The following NOSTRIN variants were observed in gnomAD, a reference collection of about 807,000 sequenced individuals.
The protein encoded by NOSTRIN is nitric oxide synthase trafficking, also known as BM247 homolog.
Under a neutral mutation model 59.0 loss-of-function variants are expected in NOSTRIN, and 63 were observed. The observed-to-expected ratio is 1.07, with a 90% CI of 0.87 to 1.32. The LOEUF is 1.32. Ranked by LOEUF, NOSTRIN falls within the 40% of genes most tolerant of loss-of-function variation. The pLI is 0.00. For synonymous variants in NOSTRIN, 200 were observed against 165.4 expected, an observed-to-expected ratio of 1.21 and a Z score of -1.61; for missense variants, 512 against 473.1, an observed-to-expected ratio of 1.08 and a Z score of -0.76.
chr2:168,816,961 A>G (rs921703736), intron 2 of NOSTRIN, among the ~76,000 whole-genome samples: 2 of 152,218 alleles, frequency 1.3e-5, no homozygotes, highest in African/African-American at 4.8e-5. Context: ...AAAAACATTT[A>G]CTGGCATAAT....
At chr2:168,796,935 G>A (rs1176709073), upstream of NOSTRIN, among the ~76,000 whole-genome samples, 1 of 152,076 alleles carries the variant, frequency 6.6e-6, no homozygotes, top group Non-Finnish European at 1.5e-5. Context: ...CACTCTCTCA[G>A]TATTTAATTC....
At chr2:168,837,185 G>A (rs141765347) in intron 7 of NOSTRIN, among the ~76,000 whole-genome samples, 2 of 150,790 alleles carry the variant, frequency 1.3e-5, no homozygotes, top group East Asian at 4.0e-4. Flanking sequence ...CATCTTGCAA[G>A]AGTAAAGAAA....
chr2:168,802,618 G>T, upstream of NOSTRIN: 2 of 866,676 alleles, frequency 2.3e-6, no homozygotes, highest in East Asian at 2.4e-5. Context: ...GAGCGTAGGT[G>T]AAAGGACAAA....
At chr2:168,827,751 G>T (rs376620564) in intron 3 of NOSTRIN, among the ~76,000 whole-genome samples, 2 of 151,544 alleles carry the variant, frequency 1.3e-5, no homozygotes, top group African/African-American at 4.9e-5. Flanking sequence ...AAAGTTTTTC[G>T]TAGAGAAAAG....
intron 1 of NOSTRIN, 25 bp from the exon 2 acceptor site, chr2:168,811,542 T>A (rs1686135081): frequency 1.3e-6 from 1 of 772,538 alleles, no homozygotes; most frequent in Non-Finnish European, 2.2e-6. Context: ...TTCATTGTTT[T>A]TTTGTTATTG....
In NOSTRIN at chr2:168,834,507, G is replaced by GCGCGCGCACACACA. The variant is rs756381301; in HGVS notation, c.504+183_504+184insGCGCGCACACACAC. Among the ~76,000 whole-genome samples the GCGCGCGCACACACA allele has an allele frequency of 2.7e-3, 336 of 125,410 alleles. 1 individual carries two copies. Among genetic ancestry groups the GCGCGCGCACACACA allele is most frequent in the East Asian group, 5.7e-3 (24 of 4,202 alleles). 82.3% of individuals were successfully genotyped at this position (125,410 alleles called of 152,430 possible). A position where few individuals can be genotyped will look rare whatever the true frequency, so the allele number is the denominator to read the frequency against. On this transcript the variant is annotated intron_variant, in intron 7 of 15. Coordinates refer to ENST00000317647, the MANE Select transcript of NOSTRIN (RefSeq NM_001039724.4). ...TACTGGCGTGCGCGCGCGCGCGCGC[G>GCGCGCGCACACACA]CACACACACACACACACACACACAC...
At chr2:168,860,392 C>G (rs969566948) in intron 13 of NOSTRIN, among the ~76,000 whole-genome samples, 3 of 152,124 alleles carry the variant, frequency 2.0e-5, no homozygotes, top group African/African-American at 4.8e-5. Flanking sequence ...ACTTCCAGTC[C>G]AGGCGCAGTG....
intron 2 of NOSTRIN, among the ~76,000 whole-genome samples, chr2:168,812,553 T>C (rs1340296734): frequency 3.3e-5 from 5 of 152,224 alleles, no homozygotes; most frequent in Admixed American, 3.3e-4. Context: ...GGAGAGGCCT[T>C]AGTTCAAAAG....
intron 7 of NOSTRIN, among the ~76,000 whole-genome samples, 180 bp downstream of exon 7, chr2:168,834,505 G>GCACACACACACACA (rs1271378211): frequency 4.7e-4 from 48 of 103,126 alleles, no homozygotes; most frequent in South Asian, 1.1e-3. Context: ...GCGCGCGCGC[G>GCACACACACACACA]CGCACACACA....
At chr2:168,794,087 C>T (rs1685422121), upstream of NOSTRIN, among the ~76,000 whole-genome samples, 1 of 152,186 alleles carries the variant, frequency 6.6e-6, no homozygotes. Context: ...CTTCCTTCAT[C>T]AAACTGCTGT....
chr2:168,843,270 G>C (rs980275573), intron 8 of NOSTRIN, among the ~76,000 whole-genome samples, 153 bp downstream of exon 8: 3 of 152,104 alleles, frequency 2.0e-5, no homozygotes, highest in Non-Finnish European at 2.9e-5. Context: ...TCCTCTCATT[G>C]TTTCAGTTTC....
At position 168,828,231 on chromosome 2, in the gene NOSTRIN, C is replaced by T. The variant is rs563683019; in HGVS notation, c.260+11C>T. ...AGCGGACCTGCATCAGTGAGTTCTC[C>T]CACCCTGGCCTTTCTCCAACTCCAA... On this transcript the variant is annotated intron_variant, in intron 4 of 15. Transcript: ENST00000317647. 3 of 872,922 alleles carry T rather than the reference C, an allele frequency of 3.4e-6. No homozygotes were observed. The highest frequency in any genetic ancestry group is 3.3e-5 in the African/African-American group (2 of 61,434). The allele number at this position is 872,922 out of a possible 1,614,324, so 54.1% of individuals were successfully genotyped here.
intron 2 of NOSTRIN, among the ~76,000 whole-genome samples, chr2:168,793,103 C>T (rs988124488): frequency 8.5e-5 from 13 of 152,106 alleles, no homozygotes; most frequent in Admixed American, 2.0e-4. Flanking sequence ...TTCTAGATTC[C>T]TCCCACTCCC....
chr2:168,865,154 G>C lies in NOSTRIN; in HGVS notation c.*184G>C, dbSNP rs1444531041. 1 of 653,680 alleles carries C rather than the reference G, an allele frequency of 1.5e-6. No individual in the cohort carries two copies. Among genetic ancestry groups the C allele is most frequent in the East Asian group, 2.9e-5 (1 of 34,696 alleles). The allele number at this position is 653,680 out of a possible 1,614,324, so 40.5% of individuals were successfully genotyped here. On this transcript the variant is annotated 3_prime_UTR_variant, in exon 16 of 16. Transcript: ENST00000317647. ...AAACAGTCAGAAAAAAGATGGATGG[G>C]TGGAGACAGACAAGGAAGAGGCTCC...
chr2:168,792,682 T>C (rs114207286), intron 2 of NOSTRIN, among the ~76,000 whole-genome samples: 2,087 of 152,238 alleles, frequency 0.014, 49 homozygotes, highest in African/African-American at 0.047. Flanking sequence ...GTTTTCGCCA[T>C]GTTGCTCAGG....
upstream of NOSTRIN, among the ~76,000 whole-genome samples, chr2:168,794,961 C>T (rs1356824410): frequency 6.6e-6 from 1 of 152,118 alleles, no homozygotes; most frequent in Non-Finnish European, 1.5e-5. Flanking sequence ...AAAAGGAAAT[C>T]CAGTAAAGAG....
At chr2:168,818,880 G>GTA (rs1342281180) in intron 2 of NOSTRIN, among the ~76,000 whole-genome samples, 1 of 152,062 alleles carries the variant, frequency 6.6e-6, no homozygotes, top group East Asian at 1.9e-4. Flanking sequence ...TATAGTAGGT[G>GTA]TATATATTTA....
At chr2:168,858,694 C>T (rs542755934) in intron 12 of NOSTRIN, among the ~76,000 whole-genome samples, 10 of 152,296 alleles carry the variant, frequency 6.6e-5, no homozygotes, top group East Asian at 3.9e-4. Context: ...ATTCCTCCAA[C>T]GATTAGAGAC....
chr2:168,834,411 G>C (rs1687552693), intron 7 of NOSTRIN, 86 bp downstream of exon 7: 1 of 721,018 alleles, frequency 1.4e-6, no homozygotes, highest in Non-Finnish European at 2.5e-6. Context: ...AGAACGGGTT[G>C]ATTCCTCCTT....
Sources: gnomAD v4.1 joint callset for allele counts (sites outside exome capture counted in the v4.1 genomes callset) on GRCh38, gnomAD v4.1.1 for gene constraint, MANE v1.5 for transcripts, NCBI Gene and HGNC (gene_info 2026-07-23, HGNC 2026-07-21) for gene names.